Variants in SYN2 observed in about 807,000 individuals in gnomAD.
SYN2 encodes the protein synapsin-2.
In SYN2, 19 loss-of-function variants were observed where a neutral mutation model predicts 50.9. That is an observed-to-expected ratio of 0.37 (90% CI 0.26 to 0.55). The LOEUF (loss-of-function observed/expected upper bound fraction) is 0.55, where lower values mean the gene tolerates loss of function less well. SYN2 is among the 20% of genes least tolerant of loss of function. The pLI, the probability that SYN2 is intolerant of heterozygous loss-of-function variation, is 0.81. For synonymous variants in SYN2, 255 were observed against 224.9 expected (o/e 1.13, Z -1.20); for missense variants, 587 against 576.4 (o/e 1.02, Z -0.19).
intron 1 of SYN2, among the ~76,000 whole-genome samples, chr3:12,098,058 T>C (rs1319370078): frequency 6.6e-6 from 1 of 152,114 alleles, no homozygotes; most frequent in Admixed American, 6.5e-5. Flanking sequence ...CTAAGTAGGA[T>C]ACATTTTTGA....
intron 1 of SYN2, among the ~76,000 whole-genome samples, chr3:12,065,616 G>T (rs1574919084): frequency 6.6e-6 from 1 of 152,202 alleles, no homozygotes; most frequent in East Asian, 1.9e-4. Context: ...ACCAAATACT[G>T]CATGTTCTCA....
At chr3:12,126,956 C>G (rs954784953) in intron 1 of SYN2, among the ~76,000 whole-genome samples, 2 of 152,114 alleles carry the variant, frequency 1.3e-5, no homozygotes, top group Non-Finnish European at 2.9e-5. Flanking sequence ...TTCCCCTTCC[C>G]CCTACCAAGT....
intron 11 of SYN2, chr3:12,185,438 G>A (rs1698321902): frequency 2.0e-6 from 2 of 985,810 alleles, no homozygotes; most frequent in Non-Finnish European, 2.4e-6. Flanking sequence ...AGGTGGGGGA[G>A]AAATTGGTTA....
intron 1 of SYN2, among the ~76,000 whole-genome samples, chr3:12,124,932 TAAAC>T (rs1382543270): frequency 3.3e-5 from 5 of 152,250 alleles, no homozygotes; most frequent in African/African-American, 7.2e-5. Context: ...AATTAGCAAA[TAAAC>T]AAGTATGTTA....
At chr3:12,030,653 A>T (rs775643095) in intron 1 of SYN2, among the ~76,000 whole-genome samples, 11,349 of 128,440 alleles carry the variant, frequency 0.088, 898 homozygotes, top group East Asian at 0.21. Flanking sequence ...TAGATTTTCT[A>T]GTTTATTTGT....
intron 1 of SYN2, among the ~76,000 whole-genome samples, chr3:12,088,253 T>C (rs1467697243): frequency 6.6e-6 from 1 of 152,084 alleles, no homozygotes; most frequent in Non-Finnish European, 1.5e-5. Flanking sequence ...GGCAAAGGAC[T>C]TGAACAGACA....
chr3:12,053,932 C>T (rs1034986147), intron 1 of SYN2, among the ~76,000 whole-genome samples: 12 of 151,972 alleles, frequency 7.9e-5, no homozygotes, highest in Admixed American at 1.3e-4. Context: ...TGACTTGGTC[C>T]ATGTTCCTTA....
At position 12,142,080 on chromosome 3, in the gene SYN2, G is replaced by A. The variant is rs573669393; in HGVS notation, c.527+84G>A. On this transcript the variant is annotated intron_variant, in intron 3 of 12. Transcript: ENST00000621198. ...CCCAAAGAGGTGGTTTCTAAGTCAG[G>A]TGTTGGAGTGAGATAGCAGTGCTAT... 214 of 755,894 alleles carry A rather than the reference G, an allele frequency of 2.8e-4. 4 individuals are homozygous for A. In the South Asian group the frequency reaches 2.9e-3, roughly 10 times the overall value. The allele number at this position is 755,894 out of a possible 1,614,324, so 46.8% of individuals were successfully genotyped here.
intron 1 of SYN2, among the ~76,000 whole-genome samples, chr3:12,043,007 T>A (rs1694653464): frequency 6.6e-6 from 1 of 151,936 alleles, no homozygotes; most frequent in South Asian, 2.1e-4. Flanking sequence ...CACACCTTTT[T>A]TTTCCTTCTC....
intron 1 of SYN2, among the ~76,000 whole-genome samples, chr3:12,053,632 A>T (rs1394339290): frequency 7.2e-6 from 1 of 138,024 alleles, no homozygotes; most frequent in African/African-American, 2.5e-5. Flanking sequence ...GCTAGGTGGC[A>T]TACTTACTAT....
At chr3:12,122,879 TA>T (rs531757736) in intron 1 of SYN2, among the ~76,000 whole-genome samples, 76 of 150,334 alleles carry the variant, frequency 5.1e-4, no homozygotes, top group African/African-American at 1.5e-3. Flanking sequence ...AAGAAAGACT[TA>T]AAAAAAAACA....
At chr3:12,050,516 T>C (rs1694832860) in intron 1 of SYN2, among the ~76,000 whole-genome samples, 1 of 151,434 alleles carries the variant, frequency 6.6e-6, no homozygotes, top group African/African-American at 2.4e-5. Context: ...CAGCTAATTT[T>C]TGTATTATTA....
intron 7 of SYN2, 107 bp downstream of exon 7, chr3:12,162,261 A>G: frequency 1.4e-6 from 2 of 1,413,372 alleles, no homozygotes; most frequent in South Asian, 1.5e-5. Context: ...TAAGTCAGAG[A>G]TTTTTTTACC....
At chr3:12,080,616 A>G (rs1050594660) in intron 1 of SYN2, among the ~76,000 whole-genome samples, 8 of 152,054 alleles carry the variant, frequency 5.3e-5, no homozygotes, top group African/African-American at 1.9e-4. Context: ...TGTGGTTTTG[A>G]GTGAATTTCT....
intron 3 of SYN2, among the ~76,000 whole-genome samples, chr3:12,144,092 C>A (rs2125218587): frequency 6.6e-6 from 1 of 152,280 alleles, no homozygotes; most frequent in East Asian, 1.9e-4. Context: ...GGAGTAGATG[C>A]TGCCACAGAA....
intron 1 of SYN2, among the ~76,000 whole-genome samples, chr3:12,006,340 A>T (rs1183065858): frequency 1.3e-5 from 2 of 152,190 alleles, no homozygotes; most frequent in East Asian, 3.8e-4. Context: ...AGGCACATGG[A>T]AGAGGGTAAT....
chr3:12,041,858 T>C (rs1694626001), intron 1 of SYN2, among the ~76,000 whole-genome samples: 2 of 152,188 alleles, frequency 1.3e-5, no homozygotes, highest in South Asian at 4.1e-4. Flanking sequence ...ACAGGCTGGT[T>C]TTCTCTCAGT....
intron 5 of SYN2, among the ~76,000 whole-genome samples, chr3:12,156,279 C>A (rs768819952): frequency 5.9e-5 from 9 of 152,224 alleles, no homozygotes; most frequent in Non-Finnish European, 1.2e-4. Context: ...CCAAATAGTT[C>A]CGTTCTCTGA....
chr3:12,085,232 C>A (rs1428061664), intron 1 of SYN2, among the ~76,000 whole-genome samples: 1 of 151,614 alleles, frequency 6.6e-6, no homozygotes, highest in East Asian at 1.9e-4. Flanking sequence ...GCTATACTTA[C>A]ATCAGACAAA....
Sources: allele counts gnomAD v4.1 joint callset (sites outside exome capture counted in the v4.1 genomes callset), GRCh38; gene constraint gnomAD v4.1.1; transcripts MANE v1.5; gene names NCBI Gene and HGNC (gene_info 2026-07-23, HGNC 2026-07-21).